Variants in DEFA6 observed in about 807,000 individuals in gnomAD.
The protein encoded by DEFA6 is defensin alpha 6, also known as defensin-6.
DEFA6 carries 8 observed loss-of-function variants against 5.1 expected under a neutral mutation model. The ratio of observed to expected loss-of-function variants is 1.57; its 90% CI spans 0.92 to 2.83. DEFA6 has a LOEUF of 2.83. Among genes scored for constraint, DEFA6 ranks in the 30% most tolerant of loss-of-function variants. The probability of loss-of-function intolerance (pLI) is 0.00; values close to 1 mark genes in which losing one functional copy is unlikely to be tolerated. For missense variants in DEFA6, 191 were observed against 119.1 expected (o/e 1.60, Z -2.81); for synonymous variants, 74 against 45.3 (o/e 1.63, Z -2.54).
In DEFA6 at chr8:6,925,937, A is replaced by T. The variant is rs13439322; in HGVS notation, c.99T>A (p.Ala33=). Residue 33 remains alanine (A), a synonymous_variant, in exon 1 of 2, where the codon GCT becomes GCA. Transcript: ENST00000297436. The stretch of plus-strand genomic sequence containing the variant: ...GCTGCTCCTGGGCATCAGCCTCATA[A>T]GCTTTTGCCTGCAGTGGATCATCCT... ...QAEDDPLQAK[A]YEADAQEQRG... 2.7e-5 allele frequency: 43 copies of T among 1,613,956 alleles called. No homozygotes were observed. In the African/African-American group the frequency reaches 4.3e-4, roughly 16 times the overall value.
chr8:6,925,040 C>A, intron 1 of DEFA6, 113 bp from the exon 2 acceptor site: 6 of 650,968 alleles, frequency 9.2e-6, no homozygotes, highest in South Asian at 9.2e-5. Context: ...GGCTGCATTA[C>A]AGCCAATAGC....
Position 6,924,853 on chromosome 8 carries a change from C to G in DEFA6, c.268G>C (p.Val90Leu). 2 of 1,611,144 alleles carry G rather than the reference C, an allele frequency of 1.2e-6. No homozygotes were observed. The highest frequency in any genetic ancestry group is 1.7e-6 in the Non-Finnish European group (2 of 1,177,474). Residue 90 changes from valine (V) to leucine (L), a missense_variant, in exon 2 of 2, where the codon GTC becomes CTC. Val to Leu is a conservative substitution (Grantham distance 32). Coordinates refer to ENST00000297436, the MANE Select transcript of DEFA6 (RefSeq NM_001926.4). Reference protein sequence around the residue: ...STEYSYGTCTVMGINHRFCCL With the variant: ...STEYSYGTCTLMGINHRFCCL ...CAGAATCTGTGGTTAATACCCATGACAGTGCAGGTCCCATAGGAATATTCT... is the reference window on the plus strand; with the variant it reads ...CAGAATCTGTGGTTAATACCCATGAGAGTGCAGGTCCCATAGGAATATTCT...
chr8:6,925,986 G>T lies in DEFA6; in HGVS notation c.50C>A (p.Ala17Asp). 2 of 1,613,640 alleles carry T rather than the reference G, an allele frequency of 1.2e-6. No homozygotes were observed. Among genetic ancestry groups the T allele is most frequent in the Non-Finnish European group, 1.7e-6 (2 of 1,179,862 alleles). The change falls in exon 1 of 2, where the codon GCC becomes GAC. Residue 17 changes from alanine (A) to aspartate (D), a missense_variant. By Grantham distance (126) the Ala-to-Asp change is moderately radical. Coordinates refer to ENST00000297436, the MANE Select transcript of DEFA6 (RefSeq NM_001926.4). ...CTCAGCTTGGAGTGGCTCAGCCTTG[G>T]CCTGGAGGGCCACGAGGAGAACAGC... ...LTAVLLVALQ[A>D]KAEPLQAEDD...
Position 6,924,934 on chromosome 8 carries a change from A to T in DEFA6, c.194-7T>A. The T allele has an allele frequency of 6.3e-7, 1 of 1,591,044 alleles. No individual in the cohort carries two copies. The highest frequency in any genetic ancestry group is 8.6e-7 in the Non-Finnish European group (1 of 1,160,818). On this transcript the variant is annotated splice_region_variant and splice_polypyrimidine_tract_variant and intron_variant, in intron 1 of 1. Coordinates refer to ENST00000297436, the MANE Select transcript of DEFA6 (RefSeq NM_001926.4). ...GTGAAAGCCCTTGTTGAGCCTGGGG[A>T]CAGAGAGAGAGAGCATCAGAAATTG... is the stretch of plus-strand genomic sequence containing the variant.
intron 1 of DEFA6, among the ~76,000 whole-genome samples, chr8:6,925,132 A>G (rs183858758): frequency 1.2e-3 from 178 of 152,326 alleles, no homozygotes; most frequent in African/African-American, 4.0e-3. Flanking sequence ...GATATGCTGT[A>G]CTTATCTGCT....
Position 6,924,729 on chromosome 8 carries a change from C to A in DEFA6, c.*89G>T, listed in dbSNP as rs1808365174. The A allele has an allele frequency of 1.3e-6, 1 of 778,000 alleles. No homozygotes were observed. Among genetic ancestry groups the A allele is most frequent in the Non-Finnish European group, 1.9e-6 (1 of 514,182 alleles). 48.2% of individuals were successfully genotyped at this position (778,000 alleles called of 1,614,324 possible). On this transcript the variant is annotated 3_prime_UTR_variant, in exon 2 of 2. Coordinates refer to ENST00000297436, the MANE Select transcript of DEFA6 (RefSeq NM_001926.4). ...AAGGACTTTATTTGAGATGAGGAAACAAAGTTGATGGCAATGTATAGGACA... is the reference window on the plus strand; with the variant it reads ...AAGGACTTTATTTGAGATGAGGAAAAAAAGTTGATGGCAATGTATAGGACA...
Position 6,924,731 on chromosome 8 carries a change from A to C in DEFA6, c.*87T>G. ...GGACTTTATTTGAGATGAGGAAACA[A>C]AGTTGATGGCAATGTATAGGACACA... On this transcript the variant is annotated 3_prime_UTR_variant, in exon 2 of 2. Coordinates refer to ENST00000297436, the MANE Select transcript of DEFA6 (RefSeq NM_001926.4). The C allele has an allele frequency of 3.8e-6, 3 of 792,974 alleles. No homozygotes were observed. The highest frequency in any genetic ancestry group is 5.8e-4 in the Middle Eastern group (2 of 3,460). The allele number at this position is 792,974 out of a possible 1,614,324, so 49.1% of individuals were successfully genotyped here.
chr8:6,925,522 A>G (rs923317368), intron 1 of DEFA6, among the ~76,000 whole-genome samples: 1 of 152,170 alleles, frequency 6.6e-6, no homozygotes. Context: ...GCGAGACTCC[A>G]TCAAACAAAA....
At position 6,925,988 on chromosome 8, in the gene DEFA6, C is replaced by G. The variant is rs773355681; in HGVS notation, c.48G>C (p.Gln16His). 6.2e-7 allele frequency: 1 copy of G among 1,613,638 alleles called. No individual in the cohort carries two copies. The highest frequency in any genetic ancestry group is 8.5e-7 in the Non-Finnish European group (1 of 1,179,864). Residue 16 changes from glutamine (Q) to histidine (H), a missense_variant, in exon 1 of 2, where the codon CAG becomes CAC. Gln to His is a conservative substitution (Grantham distance 24, BLOSUM62 0). Coordinates refer to ENST00000297436, the MANE Select transcript of DEFA6 (RefSeq NM_001926.4). ...CAGCTTGGAGTGGCTCAGCCTTGGC[C>G]TGGAGGGCCACGAGGAGAACAGCAG... ...ILTAVLLVAL[Q>H]AKAEPLQAED...
chr8:6,924,880 T>C lies in DEFA6; in HGVS notation c.241A>G (p.Thr81Ala). 6.2e-7 allele frequency: 1 copy of C among 1,612,142 alleles called. No individual in the cohort carries two copies. The highest frequency in any genetic ancestry group is 2.2e-5 in the East Asian group (1 of 44,798). ...GTGCAGGTCCCATAGGAATATTCTG[T>C]TGAATAACAGGACCTTCTGCAATGG... Reference protein sequence around the residue: ...TCHCRRSCYSTEYSYGTCTVM... With the variant: ...TCHCRRSCYSAEYSYGTCTVM... Residue 81 changes from threonine to alanine, a missense_variant, in exon 2 of 2, where the codon ACA becomes GCA. Physicochemically the swap from Thr to Ala is moderately conservative, Grantham distance 58. Transcript: ENST00000297436.
At chr8:6,925,657 T>A (rs77925852) in intron 1 of DEFA6, among the ~76,000 whole-genome samples, 186 bp downstream of exon 1, 2 of 152,324 alleles carry the variant, frequency 1.3e-5, no homozygotes, top group East Asian at 3.9e-4. Flanking sequence ...ATCATAGAAT[T>A]AAAAAATCTT....
At chr8:6,924,950 T>A (rs988329650) in intron 1 of DEFA6, 23 bp from the exon 2 acceptor site, 26 of 1,523,438 alleles carry the variant, frequency 1.7e-5, no homozygotes, top group Non-Finnish European at 2.3e-5. Flanking sequence ...AGAGAGAGCA[T>A]CAGAAATTGA....
At chr8:6,925,015 C>T in intron 1 of DEFA6, 88 bp from the exon 2 acceptor site, 1 of 798,442 alleles carries the variant, frequency 1.3e-6, no homozygotes, top group Non-Finnish European at 2.1e-6. Context: ...TGCATGCTTG[C>T]TGACATGTAA....
rs61745836 is a variant in DEFA6 at position 6,924,863 on chromosome 8, C to G, written c.258G>C (p.Gly86=). The G allele has an allele frequency of 6.8e-5, 109 of 1,611,834 alleles. No individual in the cohort carries two copies. In the African/African-American group the frequency reaches 1.3e-3, roughly 19 times the overall value. Residue 86 remains glycine, a synonymous_variant, in exon 2 of 2, where the codon GGG becomes GGC. Transcript: ENST00000297436. ...RSCYSTEYSY[G]TCTVMGINHR... ...GGTTAATACCCATGACAGTGCAGGT[C>G]CCATAGGAATATTCTGTTGAATAAC...
intron 1 of DEFA6, among the ~76,000 whole-genome samples, 187 bp from the exon 2 acceptor site, chr8:6,925,114 G>T (rs2738120): frequency 1.3e-5 from 2 of 152,052 alleles, no homozygotes; most frequent in South Asian, 2.1e-4. Context: ...GGATTAGAGA[G>T]CCATTCTGAT....
rs377203420 is a variant in DEFA6, at chr8:6,925,823, G to T, written c.193+20C>A. 2 of 1,594,900 alleles carry T rather than the reference G, an allele frequency of 1.3e-6. No homozygotes were observed. The highest frequency in any genetic ancestry group is 1.7e-6 in the Non-Finnish European group (2 of 1,171,402). ...TTTTCCTCTCTACACTCCTAGCTCT[G>T]CAATGCTGGTGTCTCTTACCCAAAG... is the stretch of plus-strand genomic sequence containing the variant. On this transcript the variant is annotated intron_variant, in intron 1 of 1. Transcript: ENST00000297436.
Position 6,925,956 on chromosome 8 carries a change from T to G in DEFA6, c.80A>C (p.Asp27Ala). Residue 27 changes from aspartate to alanine, a missense_variant, in exon 1 of 2, where the codon GAT (aspartate) becomes GCT (alanine). Physicochemically the swap from Asp to Ala is moderately radical, Grantham distance 126 (BLOSUM62 -2). Coordinates refer to ENST00000297436, the MANE Select transcript of DEFA6 (RefSeq NM_001926.4). Reference protein sequence around the residue: ...AKAEPLQAEDDPLQAKAYEAD... With the variant: ...AKAEPLQAEDAPLQAKAYEAD... ...CTCATAAGCTTTTGCCTGCAGTGGA[T>G]CATCCTCAGCTTGGAGTGGCTCAGC... 1 of 1,614,026 alleles carries G rather than the reference T, an allele frequency of 6.2e-7. No individual in the cohort carries two copies. The highest frequency in any genetic ancestry group is 8.5e-7 in the Non-Finnish European group (1 of 1,179,994).
rs1159511908 is a variant in DEFA6, at chr8:6,925,954, G to T, written c.82C>A (p.Pro28Thr). 6.2e-7 allele frequency: 1 copy of T among 1,613,868 alleles called. No individual in the cohort carries two copies. The highest frequency in any genetic ancestry group is 1.3e-5 in the African/African-American group (1 of 74,948). ...KAEPLQAEDD[P>T]LQAKAYEADA... Reference sequence around the variant, plus strand: ...GCCTCATAAGCTTTTGCCTGCAGTGGATCATCCTCAGCTTGGAGTGGCTCA... The same window carrying T: ...GCCTCATAAGCTTTTGCCTGCAGTGTATCATCCTCAGCTTGGAGTGGCTCA... The change falls in exon 1 of 2, where the codon CCA becomes ACA. Residue 28 changes from proline to threonine, a missense_variant. Pro to Thr is a conservative substitution (Grantham distance 38). Coordinates refer to ENST00000297436, the MANE Select transcript of DEFA6 (RefSeq NM_001926.4).
chr8:6,925,757 A>G, intron 1 of DEFA6, 86 bp downstream of exon 1: 1 of 1,245,790 alleles, frequency 8.0e-7, no homozygotes, highest in Non-Finnish European at 1.1e-6. Flanking sequence ...ATCACCTAAG[A>G]GAAAGAGCCA....
Sources: gnomAD v4.1 joint callset for allele counts (sites outside exome capture counted in the v4.1 genomes callset) on GRCh38, gnomAD v4.1.1 for gene constraint, MANE v1.5 for transcripts, NCBI Gene and HGNC (gene_info 2026-07-23, HGNC 2026-07-21) for gene names.